RET: variants seen among roughly 807,000 people sequenced by gnomAD.
RET encodes ret proto-oncogene.
A neutral mutation model predicts 118.3 loss-of-function variants in RET; 19 were observed. The observed-to-expected ratio is 0.16, with a 90% CI of 0.11 to 0.24. The LOEUF (loss-of-function observed/expected upper bound fraction) is 0.24, where lower values mean the gene tolerates loss of function less well. RET is among the 10% of genes least tolerant of loss of function. The pLI, the probability that RET is intolerant of heterozygous loss-of-function variation, is 1.00. For synonymous variants in RET, 597 were observed against 644.1 expected (o/e 0.93, Z 1.11); for missense variants, 1,219 against 1,502.1 (o/e 0.81, Z 3.12).
rs954199293 is a variant in RET at position 43,077,236 on chromosome 10, C to A, written c.-23C>A. 1.3e-6 allele frequency: 2 copies of A among 1,494,330 alleles called. No individual in the cohort carries two copies. Among genetic ancestry groups the A allele is most frequent in the African/African-American group, 1.4e-5 (1 of 69,020 alleles). 92.6% of individuals were successfully genotyped at this position (1,494,330 alleles called of 1,614,324 possible). A position where few individuals can be genotyped will look rare whatever the true frequency, so the allele number is the denominator to read the frequency against. On this transcript the variant is annotated 5_prime_UTR_variant, in exon 1 of 20. Transcript: ENST00000355710. Reference sequence around the variant, plus strand: ...CGGCCCTAGCCGCAGTCCCTCCAGCCGTGGCCCCAGCGCGCACGGGCGATG... The same window carrying A: ...CGGCCCTAGCCGCAGTCCCTCCAGCAGTGGCCCCAGCGCGCACGGGCGATG...
chr10:43,114,825 C>T lies in RET; in HGVS notation c.2136+89C>T, dbSNP rs2132857664. Reference sequence around the variant, plus strand: ...GCCAGCTGGGGAGACAGAGGCCATCCTGTGAGGGGCTGCCAACGCTGGGCA... The same window carrying T: ...GCCAGCTGGGGAGACAGAGGCCATCTTGTGAGGGGCTGCCAACGCTGGGCA... On this transcript the variant is annotated intron_variant, in intron 11 of 19. Transcript: ENST00000355710. The surrounding 1 kb of genome is among the most constrained non-coding windows in gnomAD (Gnocchi z 4.6). The T allele has an allele frequency of 7.2e-7, 1 of 1,386,594 alleles. No homozygotes were observed. The highest frequency in any genetic ancestry group is 1.3e-5 in the South Asian group (1 of 76,084). The allele number at this position is 1,386,594 out of a possible 1,614,324, so 85.9% of individuals were successfully genotyped here.
In RET at chr10:43,106,592, G is replaced by C; in HGVS notation, c.1063+21G>C. The C allele has an allele frequency of 6.2e-7, 1 of 1,609,126 alleles. No homozygotes were observed. The highest frequency in any genetic ancestry group is 8.5e-7 in the Non-Finnish European group (1 of 1,177,490). ...CTATAGTAAGAGGGGCTGGTGGCAC[G>C]GCCTGGCTAGGCCCCCAGGAAATGA... On this transcript the variant is annotated intron_variant, in intron 5 of 19. Coordinates refer to ENST00000355710, the MANE Select transcript of RET (RefSeq NM_020975.6). This position sits in a 1 kb window ranked among gnomAD's most constrained non-coding sequence, Gnocchi z 5.1.
chr10:43,080,415 C>T (rs1333686604), intron 1 of RET, among the ~76,000 whole-genome samples: 1 of 152,238 alleles, frequency 6.6e-6, no homozygotes, highest in African/African-American at 2.4e-5. Context: ...TCTTTTCCAA[C>T]AAGTCTGCAA....
At chr10:43,116,533 ATCC>A in intron 11 of RET, 48 bp from the exon 12 acceptor site, 1 of 1,606,078 alleles carries the variant, frequency 6.2e-7, no homozygotes, top group East Asian at 2.2e-5. Context: ...CTCCCCTGTC[ATCC>A]TCACACTTTT....
intron 3 of RET, among the ~76,000 whole-genome samples, chr10:43,103,487 C>CT (rs1837688122): frequency 6.6e-6 from 1 of 152,132 alleles, no homozygotes; most frequent in African/African-American, 2.4e-5. Flanking sequence ...GGGGAGAAGG[C>CT]AGCTGACTAG....
rs943720843 is a variant in RET at position 43,119,624 on chromosome 10, G to C, written c.2486G>C (p.Ser829Thr). The C allele has an allele frequency of 6.8e-6, 11 of 1,612,816 alleles. No homozygotes were observed. Among genetic ancestry groups the C allele is most frequent in the Admixed American group, 1.7e-5 (1 of 60,006 alleles). Reference sequence around the variant, plus strand: ...AAAGTGGGGCCTGGCTACCTGGGCAGTGGAGGCAGCCGCAACTCCAGCTCC... The same window carrying C: ...AAAGTGGGGCCTGGCTACCTGGGCACTGGAGGCAGCCGCAACTCCAGCTCC... ...SRKVGPGYLG[S>T]GGSRNSSSLD... The change falls in exon 14 of 20, where the codon AGT (serine) becomes ACT (threonine). Residue 829 changes from serine to threonine, a missense_variant. Physicochemically the swap from Ser to Thr is moderately conservative, Grantham distance 58 (BLOSUM62 1). Coordinates refer to ENST00000355710, the MANE Select transcript of RET (RefSeq NM_020975.6).
intron 1 of RET, among the ~76,000 whole-genome samples, chr10:43,078,774 C>T (rs1305431110): frequency 3.3e-5 from 5 of 152,318 alleles, no homozygotes; most frequent in Middle Eastern, 3.4e-3. Context: ...CTCTGGGGGC[C>T]GGCTTGTGGC....
chr10:43,104,857 G>A (rs1014230411), intron 3 of RET, 95 bp from the exon 4 acceptor site: 16 of 1,505,278 alleles, frequency 1.1e-5, no homozygotes, highest in Admixed American at 2.1e-5. Flanking sequence ...GGCGGTGTGC[G>A]CCCCGCTCTG....
intron 17 of RET, 59 bp from the exon 18 acceptor site, chr10:43,124,824 T>C: frequency 6.5e-7 from 1 of 1,541,934 alleles, no homozygotes; most frequent in Non-Finnish European, 9.0e-7. Flanking sequence ...TGTGGTGGGC[T>C]GTCCTTCTGA....
chr10:43,105,247 C>G, intron 4 of RET, 54 bp downstream of exon 4: 1 of 1,609,894 alleles, frequency 6.2e-7, no homozygotes, highest in Non-Finnish European at 8.5e-7. Context: ...GGCCACAGTT[C>G]GTTTCTCGGT....
chr10:43,126,954 A>C (rs1373557534), intron 19 of RET: 1 of 1,418,128 alleles, frequency 7.1e-7, no homozygotes, highest in African/African-American at 1.4e-5. Context: ...ATTGCCCAGC[A>C]ACTTAGGATG....
intron 1 of RET, among the ~76,000 whole-genome samples, chr10:43,087,715 A>G (rs34596849): frequency 0.19 from 29,092 of 152,244 alleles, 3,252 homozygotes; most frequent in Non-Finnish European, 0.26. Context: ...CCAGGGATCA[A>G]GCAGGGTTAT....
intron 13 of RET, among the ~76,000 whole-genome samples, 156 bp downstream of exon 13, chr10:43,118,636 C>T (rs1838131264): frequency 6.6e-6 from 1 of 152,236 alleles, no homozygotes; most frequent in Admixed American, 6.5e-5. Context: ...CAGCCTGGAG[C>T]TTGTGTCTAG....
At chr10:43,104,521 A>C (rs1173936351) in intron 3 of RET, among the ~76,000 whole-genome samples, 1 of 150,952 alleles carries the variant, frequency 6.6e-6, no homozygotes, top group African/African-American at 2.4e-5. Context: ...CATCAAAAAC[A>C]AAAAAAAAGC....
rs34682185 is a variant in RET at position 43,106,382 on chromosome 10, G to A, written c.874G>A (p.Val292Met). Reference protein sequence around the residue: ...VVEFKRKEDTVVATLRVFDAD... With the variant: ...VVEFKRKEDTMVATLRVFDAD... ...CGCCCTCTGCATCCTGCAGGACACC[G>A]TGGTGGCCACGCTGCGTGTCTTCGA... is the stretch of plus-strand genomic sequence containing the variant. Residue 292 changes from valine (V) to methionine (M), a missense_variant, in exon 5 of 20, where the codon GTG (valine) becomes ATG (methionine). By Grantham distance (21) the Val-to-Met change is conservative (BLOSUM62 1). Coordinates refer to ENST00000355710, the MANE Select transcript of RET (RefSeq NM_020975.6). The surrounding 1 kb of genome is among the most constrained non-coding windows in gnomAD (Gnocchi z 5.1). The A allele has an allele frequency of 2.3e-4, 365 of 1,610,770 alleles. 5 individuals carry two copies. The East Asian group carries it at 4.4e-3, about 20-fold the overall frequency.
intron 1 of RET, among the ~76,000 whole-genome samples, chr10:43,077,536 C>G (rs1239655904): frequency 6.2e-5 from 9 of 144,878 alleles, no homozygotes; most frequent in African/African-American, 1.0e-4. Flanking sequence ...CGCCTCGGGC[C>G]GGGGCTGGGC....
In RET at chr10:43,128,340, T is replaced by G. The variant is rs1670269833; in HGVS notation, c.*71T>G. 1 of 1,571,622 alleles carries G rather than the reference T, an allele frequency of 6.4e-7. No individual in the cohort carries two copies. Among genetic ancestry groups the G allele is most frequent in the African/African-American group, 1.3e-5 (1 of 74,184 alleles). The stretch of plus-strand genomic sequence containing the variant: ...CTGAGAATGGAAAGTCTACCGGCCC[T>G]TTCTTTGTGAACGTCACATTGGCCG... On this transcript the variant is annotated 3_prime_UTR_variant, in exon 20 of 20. Transcript: ENST00000355710.
intron 1 of RET, among the ~76,000 whole-genome samples, chr10:43,089,157 G>A (rs2132578781): frequency 6.6e-6 from 1 of 152,348 alleles, no homozygotes; most frequent in Admixed American, 6.5e-5. Context: ...AACAGGTCAG[G>A]CAGCGTCCGC....
At chr10:43,102,730 T>C (rs1837670333) in intron 3 of RET, 101 bp downstream of exon 3, 1 of 1,416,210 alleles carries the variant, frequency 7.1e-7, no homozygotes, top group Non-Finnish European at 9.8e-7. Flanking sequence ...TTCACCTTCA[T>C]GCCATCAGTT....
Sources: allele counts gnomAD v4.1 joint callset (sites outside exome capture counted in the v4.1 genomes callset), GRCh38; gene constraint gnomAD v4.1.1; non-coding constraint Gnocchi (gnomAD v3.1); transcripts MANE v1.5; gene names NCBI Gene and HGNC (gene_info 2026-07-23, HGNC 2026-07-21).